Variants in EYS observed in about 807,000 individuals in gnomAD.
EYS encodes the protein EGF-like photoreceptor maintenance factor.
A neutral mutation model predicts 282.1 loss-of-function variants in EYS; 250 were observed. That is an observed-to-expected ratio of 0.89 (90% CI 0.80 to 0.98). EYS has a LOEUF of 0.98. Ranked by LOEUF, EYS falls within the 50% of genes least tolerant of loss-of-function variation. The pLI is 0.00. For synonymous variants in EYS, 1,355 were observed against 1,282.9 expected (o/e 1.06, Z -1.20); for missense variants, 4,016 against 3,709.0 (o/e 1.08, Z -2.15).
At chr6:63,742,531 T>C (rs1769102264) in intron 41 of EYS, among the ~76,000 whole-genome samples, 1 of 152,202 alleles carries the variant, frequency 6.6e-6, no homozygotes, top group African/African-American at 2.4e-5. Flanking sequence ...TTTACTTTCT[T>C]TGAGTACATT....
intron 26 of EYS, among the ~76,000 whole-genome samples, chr6:64,449,156 T>C (rs113087497): frequency 0.37 from 56,161 of 151,924 alleles, 11,134 homozygotes; most frequent in African/African-American, 0.53. Context: ...CAGAGAAGTC[T>C]TTAAAGGACT....
At chr6:64,999,636 G>C (rs1211599997) in intron 13 of EYS, among the ~76,000 whole-genome samples, 2 of 152,174 alleles carry the variant, frequency 1.3e-5, no homozygotes. Context: ...ACCCTAGCAG[G>C]CAGACACACA....
chr6:64,415,879 T>C (rs1025243672), intron 28 of EYS, among the ~76,000 whole-genome samples: 1 of 152,240 alleles, frequency 6.6e-6, no homozygotes, highest in African/African-American at 2.4e-5. Context: ...ATAGTAGTAT[T>C]TCTCTTTCTC....
At position 65,625,679 on chromosome 6, in the gene EYS, A is replaced by C. The variant is rs116535975; in HGVS notation, c.-333+14099T>G. Among the ~76,000 whole-genome samples, 1,497 of 152,288 alleles carry C rather than the reference A, an allele frequency of 9.8e-3. 23 individuals are homozygous for C. Among genetic ancestry groups the C allele is most frequent in the African/African-American group, 0.025 (1,058 of 41,560 alleles). The stretch of plus-strand genomic sequence containing the variant: ...AATGAAATTTAACGAGTTTGAGTTA[A>C]GTTTCTGAAAATTAAACACAATTGC... On this transcript the variant is annotated intron_variant, in intron 2 of 42. Transcript: ENST00000503581.
At chr6:63,954,822 C>G (rs1765744923) in intron 35 of EYS, among the ~76,000 whole-genome samples, 1 of 152,148 alleles carries the variant, frequency 6.6e-6, no homozygotes, top group South Asian at 2.1e-4. Flanking sequence ...ATTCTGTTGT[C>G]ATTTCATAAC....
intron 19 of EYS, among the ~76,000 whole-genome samples, chr6:64,831,568 T>C (rs1765218777): frequency 6.6e-6 from 1 of 151,918 alleles, no homozygotes; most frequent in Non-Finnish European, 1.5e-5. Flanking sequence ...AAATATTTGA[T>C]GATGAAAATG....
chr6:65,307,388 C>G (rs1235871259), intron 11 of EYS, among the ~76,000 whole-genome samples: 2 of 152,166 alleles, frequency 1.3e-5, no homozygotes, highest in Non-Finnish European at 2.9e-5. Flanking sequence ...TAGGGCTTAC[C>G]TCATTTCTTT....
chr6:65,437,649 A>T (rs1426130017), intron 5 of EYS, among the ~76,000 whole-genome samples: 1 of 152,178 alleles, frequency 6.6e-6, no homozygotes, highest in Non-Finnish European at 1.5e-5. Context: ...TGTATAGAAG[A>T]ATCTTCTTTA....
At chr6:65,026,436 G>C (rs1008297374) in intron 13 of EYS, among the ~76,000 whole-genome samples, 3 of 152,140 alleles carry the variant, frequency 2.0e-5, no homozygotes, top group Admixed American at 2.0e-4. Flanking sequence ...ATGAAAAAAA[G>C]ACCAGGGGTA....
intron 22 of EYS, among the ~76,000 whole-genome samples, chr6:64,709,745 AT>A (rs1402607741): frequency 2.3e-4 from 35 of 152,338 alleles, no homozygotes; most frequent in African/African-American, 8.4e-4. Context: ...GTGGTAACAC[AT>A]TGTTCTCATT....
chr6:64,346,714 TAAACA>T (rs1391857691), intron 29 of EYS, among the ~76,000 whole-genome samples: 1 of 150,884 alleles, frequency 6.6e-6, no homozygotes, highest in Non-Finnish European at 1.5e-5. Flanking sequence ...ATAATAAAAT[TAAACA>T]AAACAAAACA....
At chr6:63,935,642 G>T (rs1765036969) in intron 35 of EYS, among the ~76,000 whole-genome samples, 2 of 152,190 alleles carry the variant, frequency 1.3e-5, no homozygotes, top group African/African-American at 4.8e-5. Flanking sequence ...AGGTCTGCAT[G>T]CCAACAGACA....
chr6:65,411,930 T>A (rs1767034012), intron 5 of EYS, among the ~76,000 whole-genome samples: 1 of 152,046 alleles, frequency 6.6e-6, no homozygotes, highest in African/African-American at 2.4e-5. Context: ...TTTTCACTAT[T>A]ACAAATTGCT....
At chr6:63,773,908 T>G (rs534400011) in intron 40 of EYS, among the ~76,000 whole-genome samples, 220 of 152,242 alleles carry the variant, frequency 1.4e-3, no homozygotes, top group African/African-American at 5.0e-3. Flanking sequence ...GTATGTTCAG[T>G]TTTTAGGAGA....
intron 31 of EYS, among the ~76,000 whole-genome samples, chr6:64,112,851 GT>G (rs1262438904): frequency 1.4e-4 from 21 of 150,756 alleles, no homozygotes; most frequent in Non-Finnish European, 2.5e-4. Flanking sequence ...CTTTTTAGTA[GT>G]TTTTTGGTTA....
chr6:65,268,805 G>GTT (rs530146910), intron 12 of EYS, among the ~76,000 whole-genome samples: 1 of 118,006 alleles, frequency 8.5e-6, no homozygotes, highest in Non-Finnish European at 1.9e-5. Context: ...TTCAACATAA[G>GTT]TTTTTTTTTA....
intron 33 of EYS, among the ~76,000 whole-genome samples, chr6:64,051,886 T>C (rs1770820467): frequency 1.3e-5 from 2 of 152,224 alleles, no homozygotes; most frequent in South Asian, 4.1e-4. Context: ...GGTAGCCATA[T>C]GTCACCTATA....
chr6:63,839,961 A>T (rs67149738), intron 36 of EYS, among the ~76,000 whole-genome samples: 18,211 of 151,270 alleles, frequency 0.12, 1,313 homozygotes, highest in African/African-American at 0.19. Flanking sequence ...TTGCTGATAA[A>T]TGATTTTGAG....
chr6:65,063,540 T>G (rs1287509376), intron 12 of EYS, among the ~76,000 whole-genome samples: 1 of 152,062 alleles, frequency 6.6e-6, no homozygotes, highest in Non-Finnish European at 1.5e-5. Context: ...AGTAGCTCTT[T>G]CACTTACAAC....
Sources: gnomAD v4.1 joint callset for allele counts (sites outside exome capture counted in the v4.1 genomes callset) on GRCh38, gnomAD v4.1.1 for gene constraint, MANE v1.5 for transcripts, NCBI Gene and HGNC (gene_info 2026-07-23, HGNC 2026-07-21) for gene names.